Variants in EIF2AK1 observed in about 807,000 individuals in gnomAD.
EIF2AK1 encodes eukaryotic translation initiation factor 2-alpha kinase 1.
EIF2AK1 carries 54 observed loss-of-function variants against 77.9 expected under a neutral mutation model. That is an observed-to-expected ratio of 0.69 (90% CI 0.56 to 0.87). The LOEUF is 0.87. EIF2AK1 is among the 40% of genes least tolerant of loss of function. The probability of loss-of-function intolerance (pLI) is 0.00; values close to 1 mark genes in which losing one functional copy is unlikely to be tolerated. For synonymous variants in EIF2AK1, 314 were observed against 290.5 expected, an observed-to-expected ratio of 1.08 and a Z score of -0.82; for missense variants, 810 against 768.6, an observed-to-expected ratio of 1.05 and a Z score of -0.64.
intron 14 of EIF2AK1, among the ~76,000 whole-genome samples, chr7:6,025,659 G>A (rs1345390859): frequency 1.3e-5 from 2 of 152,098 alleles, no homozygotes; most frequent in African/African-American, 2.4e-5. Flanking sequence ...ATATTGAGAC[G>A]GAGTCTCGCT....
Position 6,028,630 on chromosome 7 carries a change from A to C in EIF2AK1, c.1515T>G (p.Ser505=). The C allele has an allele frequency of 1.2e-6, 2 of 1,614,158 alleles. No homozygotes were observed. Among genetic ancestry groups the C allele is most frequent in the Non-Finnish European group, 8.5e-7 (1 of 1,179,974 alleles). The part of the protein sequence containing the change: ...LYASPEQLEG[S]EYDAKSDMYS... ...CAAATACTACCTTGGCATCATACTCAGATCCTTCCAACTGTTCGGGTGAAG... is the reference window on the plus strand; with the variant it reads ...CAAATACTACCTTGGCATCATACTCCGATCCTTCCAACTGTTCGGGTGAAG... The change falls in exon 13 of 15, where the codon TCT becomes TCG. Residue 505 remains serine, a synonymous_variant. Transcript: ENST00000199389.
chr7:6,045,939 A>G (rs2128890364), intron 6 of EIF2AK1, 132 bp downstream of exon 6: 1 of 530,192 alleles, frequency 1.9e-6, no homozygotes, highest in East Asian at 3.7e-5. Flanking sequence ...GTACTTTACT[A>G]TAACCCCATT....
At chr7:6,030,997 T>G (rs1416694868) in intron 11 of EIF2AK1, among the ~76,000 whole-genome samples, 1 of 152,208 alleles carries the variant, frequency 6.6e-6, no homozygotes, top group African/African-American at 2.4e-5. Flanking sequence ...AAAAAATAAC[T>G]TAAGGTTAAA....
intron 7 of EIF2AK1, among the ~76,000 whole-genome samples, chr7:6,044,050 G>C (rs1336222913): frequency 2.7e-5 from 4 of 150,756 alleles, no homozygotes; most frequent in Non-Finnish European, 1.5e-5. Context: ...AGTGAGCAAA[G>C]ATCGCGCCAC....
At position 6,050,057 on chromosome 7, in the gene EIF2AK1, A is replaced by G. The variant is rs1788562810; in HGVS notation, c.278-12T>C. The G allele has an allele frequency of 6.3e-7, 1 of 1,590,152 alleles. No homozygotes were observed. Among genetic ancestry groups the G allele is most frequent in the African/African-American group, 1.4e-5 (1 of 73,342 alleles). On this transcript the variant is annotated splice_polypyrimidine_tract_variant and intron_variant, in intron 2 of 14. Coordinates refer to ENST00000199389, the MANE Select transcript of EIF2AK1 (RefSeq NM_014413.4). ...CGTCTGGCAAAGTACTATAAAAAGA[A>G]TATGAAAAACTATTATTAGAAACAT...
rs781486458 is a variant in EIF2AK1 at position 6,054,604 on chromosome 7, C to A, written c.219G>T (p.Leu73=). ...GTTCATGCACGTGGCTCAAGTGCTC[C>A]AGCAAAGAAACCAGCAAGAGTTGGT... ...VANQLLLVSL[L]EHLSHVHEPN... Residue 73 remains leucine, a synonymous_variant, in exon 2 of 15, where the codon CTG becomes CTT. Transcript: ENST00000199389. 2 of 1,614,018 alleles carry A rather than the reference C, an allele frequency of 1.2e-6. No homozygotes were observed. Among genetic ancestry groups the A allele is most frequent in the African/African-American group, 2.7e-5 (2 of 74,910 alleles).
At chr7:6,048,641 A>G (rs1164743737) in intron 4 of EIF2AK1, among the ~76,000 whole-genome samples, 166 bp downstream of exon 4, 1 of 152,196 alleles carries the variant, frequency 6.6e-6, no homozygotes, top group African/African-American at 2.4e-5. Flanking sequence ...AGAGGAGGGA[A>G]TAAGAAGCAA....
chr7:6,025,133 C>A (rs2128884176), intron 14 of EIF2AK1, among the ~76,000 whole-genome samples: 1 of 152,190 alleles, frequency 6.6e-6, no homozygotes, highest in East Asian at 1.9e-4. Context: ...GCCACCACAC[C>A]CAGCCAAGGT....
chr7:6,055,932 G>A (rs1788743090), intron 1 of EIF2AK1, among the ~76,000 whole-genome samples: 1 of 132,658 alleles, frequency 7.5e-6, no homozygotes, highest in African/African-American at 2.9e-5. Flanking sequence ...GAGATGAGCT[G>A]AGATCGTGCC....
At chr7:6,031,247 G>C in intron 11 of EIF2AK1, 1 of 858,022 alleles carries the variant, frequency 1.2e-6, no homozygotes, top group South Asian at 1.7e-5. Context: ...CTGATGGATT[G>C]CCTTCACAGA....
Position 6,035,735 on chromosome 7 carries a change from G to A in EIF2AK1, c.1332+1689C>T. ...TCAATGCTATTAATGAAGCCAGCAT[G>A]ACACCCCTTCACATGGCCGCAAACA... On this transcript the variant is annotated intron_variant, in intron 11 of 14. Coordinates refer to ENST00000199389, the MANE Select transcript of EIF2AK1 (RefSeq NM_014413.4). The surrounding 1 kb of genome is among the most constrained non-coding windows in gnomAD (Gnocchi z 5.5). The A allele has an allele frequency of 6.4e-7, 1 of 1,551,012 alleles. No individual in the cohort carries two copies. Among genetic ancestry groups the A allele is most frequent in the Admixed American group, 2.0e-5 (1 of 50,988 alleles).
chr7:6,041,086 T>C lies in EIF2AK1; in HGVS notation c.925A>G (p.Thr309Ala), dbSNP rs1327002648. 1.2e-6 allele frequency: 2 copies of C among 1,614,096 alleles called. No individual in the cohort carries two copies. The highest frequency in any genetic ancestry group is 1.7e-6 in the Non-Finnish European group (2 of 1,180,008). Reference sequence around the variant, plus strand: ...CCAGATTCTCTTATGACTAAATTGGTGGTGTACTTCACCGACTTGTTATTC... The same window carrying C: ...CCAGATTCTCTTATGACTAAATTGGCGGTGTACTTCACCGACTTGTTATTC... ...NQNNKSVKYTTNLVIRESGEL... is the reference protein window; with the variant it reads ...NQNNKSVKYTANLVIRESGEL... The change falls in exon 9 of 15, where the codon ACC (threonine) becomes GCC (alanine). Residue 309 changes from threonine (T) to alanine (A), a missense_variant. Transcript: ENST00000199389.
intron 2 of EIF2AK1, among the ~76,000 whole-genome samples, chr7:6,053,245 T>C (rs1371074156): frequency 6.6e-6 from 1 of 152,182 alleles, no homozygotes; most frequent in Non-Finnish European, 1.5e-5. Context: ...TGGGGGTACA[T>C]GAGATATTTT....
chr7:6,040,026 T>C (rs1479351025), intron 9 of EIF2AK1, among the ~76,000 whole-genome samples: 3 of 152,202 alleles, frequency 2.0e-5, no homozygotes, highest in Non-Finnish European at 4.4e-5. Flanking sequence ...TACAGTTTTA[T>C]AATCTTAACA....
intron 7 of EIF2AK1, among the ~76,000 whole-genome samples, chr7:6,043,755 G>A (rs1214797358): frequency 6.6e-6 from 1 of 151,880 alleles, no homozygotes; most frequent in Non-Finnish European, 1.5e-5. Context: ...AGCAGCCATA[G>A]ACAATATATA....
At chr7:6,031,591 G>C (rs1259741913) in intron 11 of EIF2AK1, 7 of 1,550,646 alleles carry the variant, frequency 4.5e-6, no homozygotes, top group Middle Eastern at 1.7e-4. Flanking sequence ...TTCTGACCCA[G>C]GTACCCTCTT....
rs1787660389 is a variant in EIF2AK1, at chr7:6,023,959, G to A, written c.*714C>T. ...CATCAGATCGCTGCCTCTGAGGGAT[G>A]TACAGATTGGCTGGGGAGCTGAGTG... On this transcript the variant is annotated 3_prime_UTR_variant, in exon 15 of 15. Coordinates refer to ENST00000199389, the MANE Select transcript of EIF2AK1 (RefSeq NM_014413.4). 2.9e-6 allele frequency: 4 copies of A among 1,401,700 alleles called. No homozygotes were observed. The South Asian group carries it at 3.7e-5, about 13-fold the overall frequency. 86.8% of individuals were successfully genotyped at this position (1,401,700 alleles called of 1,614,324 possible).
rs1161955330 is a variant in EIF2AK1 at position 6,037,537 on chromosome 7, A to G, written c.1232-13T>C. 1.9e-6 allele frequency: 3 copies of G among 1,544,540 alleles called. No individual in the cohort carries two copies. Among genetic ancestry groups the G allele is most frequent in the Non-Finnish European group, 2.7e-6 (3 of 1,124,938 alleles). ...ATAACATAAGGACCTTGAAGTAAAAAAAAATAGTTTTATTTCTCTAATTTT... is the reference window on the plus strand; with the variant it reads ...ATAACATAAGGACCTTGAAGTAAAAGAAAATAGTTTTATTTCTCTAATTTT... On this transcript the variant is annotated splice_polypyrimidine_tract_variant and intron_variant, in intron 10 of 14. Coordinates refer to ENST00000199389, the MANE Select transcript of EIF2AK1 (RefSeq NM_014413.4).
chr7:6,040,940 G>A lies in EIF2AK1; in HGVS notation c.1071C>T (p.Ser357=). ...CATTTTCTTCGGAAGATTCTTCGGT[G>A]GATGTGAAACTCTCCTCTAGGTGGG... The part of the protein sequence containing the change: ...RNSHLEESFT[S]TEESSEENVN... The change falls in exon 9 of 15, where the codon TCC becomes TCT. Residue 357 remains serine, a synonymous_variant. Transcript: ENST00000199389. The A allele has an allele frequency of 6.2e-7, 1 of 1,614,138 alleles. No homozygotes were observed. Among genetic ancestry groups the A allele is most frequent in the Non-Finnish European group, 8.5e-7 (1 of 1,180,028 alleles).
Sources: gnomAD v4.1 joint callset for allele counts (sites outside exome capture counted in the v4.1 genomes callset) on GRCh38, gnomAD v4.1.1 for gene constraint, Gnocchi (gnomAD v3.1) non-coding constraint, MANE v1.5 for transcripts, NCBI Gene and HGNC (gene_info 2026-07-23, HGNC 2026-07-21) for gene names.